Variants in ABCC4 observed in about 807,000 individuals in gnomAD.
ABCC4 encodes ATP binding cassette subfamily C member 4 (PEL blood group).
In ABCC4, 102 loss-of-function variants were observed where a neutral mutation model predicts 168.5. The ratio of observed to expected loss-of-function variants is 0.61; its 90% CI spans 0.52 to 0.71. The LOEUF (loss-of-function observed/expected upper bound fraction) is 0.71, where lower values mean the gene tolerates loss of function less well. Ranked by LOEUF, ABCC4 falls within the 30% of genes least tolerant of loss-of-function variation. ABCC4 has a pLI of 0.00. For synonymous variants in ABCC4, 617 were observed against 590.7 expected (o/e 1.04, Z -0.65); for missense variants, 1,402 against 1,605.8 (o/e 0.87, Z 2.17).
intron 25 of ABCC4, among the ~76,000 whole-genome samples, chr13:95,070,053 G>A (rs999704513): frequency 1.3e-5 from 2 of 152,114 alleles, no homozygotes; most frequent in Non-Finnish European, 2.9e-5. Context: ...GACCAGCCAT[G>A]GCCAACATGG....
intron 30 of ABCC4, among the ~76,000 whole-genome samples, chr13:95,033,693 G>A (rs945173298): frequency 1.4e-5 from 2 of 140,928 alleles, no homozygotes; most frequent in African/African-American, 5.3e-5. Flanking sequence ...ACGGAGTTTC[G>A]CTCTTACTGC....
At chr13:95,258,758 C>T (rs147726394) in intron 1 of ABCC4, among the ~76,000 whole-genome samples, 1 of 152,014 alleles carries the variant, frequency 6.6e-6, no homozygotes, top group Admixed American at 6.6e-5. Flanking sequence ...CCTCTTTAAG[C>T]GCCTGCAGGA....
intron 19 of ABCC4, among the ~76,000 whole-genome samples, chr13:95,142,616 C>A (rs553805848): frequency 6.6e-6 from 1 of 151,736 alleles, no homozygotes; most frequent in Non-Finnish European, 1.5e-5. Context: ...AACAAAAGAT[C>A]ATGAGTAAAC....
intron 3 of ABCC4, among the ~76,000 whole-genome samples, chr13:95,241,963 C>G (rs2039957178): frequency 6.6e-6 from 1 of 152,084 alleles, no homozygotes; most frequent in African/African-American, 2.4e-5. Flanking sequence ...ATTATTGGAA[C>G]ACTAAGCTTG....
At chr13:95,047,564 C>T (rs1226217280) in intron 27 of ABCC4, among the ~76,000 whole-genome samples, 1 of 140,646 alleles carries the variant, frequency 7.1e-6, no homozygotes, top group East Asian at 2.2e-4. Flanking sequence ...ACTGCAATCT[C>T]TGCCTCCCAG....
intron 20 of ABCC4, among the ~76,000 whole-genome samples, chr13:95,108,805 C>T (rs2035100128): frequency 6.6e-6 from 1 of 152,048 alleles, no homozygotes; most frequent in African/African-American, 2.4e-5. Context: ...CATCTCTCTG[C>T]CTGAGGAAAT....
In ABCC4 at chr13:95,161,231, T is replaced by C. The variant is rs2037088928; in HGVS notation, c.2413A>G (p.Ile805Val). 2 of 1,610,740 alleles carry C rather than the reference T, an allele frequency of 1.2e-6. No individual in the cohort carries two copies. Among genetic ancestry groups the C allele is most frequent in the Non-Finnish European group, 1.7e-6 (2 of 1,179,434 alleles). The change falls in exon 19 of 31, where the codon ATT (isoleucine) becomes GTT (valine). Residue 805 changes from isoleucine to valine, a missense_variant. By Grantham distance (29) the Ile-to-Val change is conservative (BLOSUM62 3). Around this residue, in one of 3 missense-constraint regions of ABCC4, gnomAD observed 1,007 missense variants for 1,127.3 expected, o/e 0.89. Transcript: ENST00000645237. ...AAGAATAATACCGGAGCTTTCAGAA[T>C]TGACTCAAACATTTTGTTGTGCAAA... is the stretch of plus-strand genomic sequence containing the variant. ...QTLHNKMFESILKAPVLFFDR... is the reference protein window; with the variant it reads ...QTLHNKMFESVLKAPVLFFDR...
At chr13:95,206,932 G>A (rs1171031540) in intron 7 of ABCC4, 151 bp from the exon 8 acceptor site, 7 of 844,464 alleles carry the variant, frequency 8.3e-6, no homozygotes, top group Non-Finnish European at 1.3e-5. Flanking sequence ...ACAAAAAAGT[G>A]CAAAGGTGAG....
At chr13:95,119,504 AC>A (rs778690565) in intron 19 of ABCC4, among the ~76,000 whole-genome samples, 2 of 152,168 alleles carry the variant, frequency 1.3e-5, no homozygotes, top group Non-Finnish European at 2.9e-5. Flanking sequence ...GTTGCTCCTA[AC>A]TTTTTTCCAC....
chr13:95,275,542 A>C (rs2040950993), intron 1 of ABCC4, among the ~76,000 whole-genome samples: 1 of 152,244 alleles, frequency 6.6e-6, no homozygotes, highest in East Asian at 1.9e-4. Context: ...TTCTACACCA[A>C]ATCAGGCCTA....
rs529755689 is a variant in ABCC4, at chr13:95,074,740, A to C, written c.2807-416T>G. On this transcript the variant is annotated intron_variant, in intron 22 of 30. Transcript: ENST00000645237. ...ACCTTCCATACTTACCAGAAGGCCC[A>C]CACACACTGACTATTGCTTAGGGGC... Among the ~76,000 whole-genome samples, 7 of 152,284 alleles carry C rather than the reference A, an allele frequency of 4.6e-5. No individual in the cohort carries two copies. In the South Asian group the frequency reaches 1.2e-3, roughly 27 times the overall value.
intron 29 of ABCC4, among the ~76,000 whole-genome samples, chr13:95,039,496 C>T (rs1364548772): frequency 1.3e-5 from 2 of 152,166 alleles, no homozygotes; most frequent in Admixed American, 1.3e-4. Context: ...CCTGCTTGGT[C>T]CTCACCTTTC....
intron 20 of ABCC4, among the ~76,000 whole-genome samples, chr13:95,087,572 A>G (rs2034299210): frequency 6.6e-6 from 1 of 152,236 alleles, no homozygotes; most frequent in African/African-American, 2.4e-5. Flanking sequence ...TTCTGGAGCC[A>G]CTAAAATTAT....
At chr13:95,134,633 T>C (rs2036081161) in intron 19 of ABCC4, among the ~76,000 whole-genome samples, 2 of 151,980 alleles carry the variant, frequency 1.3e-5, no homozygotes, top group South Asian at 4.2e-4. Flanking sequence ...GGCAGGAGAA[T>C]CACTTGAACC....
Position 95,201,502 on chromosome 13 carries a change from C to A in ABCC4, c.1161+5030G>T, listed in dbSNP as rs1751026. ...CTGGAGGTTGACTTCACTTACACAT[C>A]TTCTGAGCACCTGCAATCTATACGT... On this transcript the variant is annotated intron_variant, in intron 8 of 30. Coordinates refer to ENST00000645237, the MANE Select transcript of ABCC4 (RefSeq NM_005845.5). Among the ~76,000 whole-genome samples the A allele has an allele frequency of 5.9e-5, 9 of 152,224 alleles. No homozygotes were observed. The East Asian group carries it at 1.7e-3, about 29-fold the overall frequency.
At chr13:95,196,250 CT>C (rs1438543882) in intron 8 of ABCC4, among the ~76,000 whole-genome samples, 1 of 152,152 alleles carries the variant, frequency 6.6e-6, no homozygotes, top group African/African-American at 2.4e-5. Context: ...AAAACCTGCT[CT>C]AATTTTCTGT....
At chr13:95,134,685 A>T (rs1465704706) in intron 19 of ABCC4, among the ~76,000 whole-genome samples, 2 of 152,064 alleles carry the variant, frequency 1.3e-5, no homozygotes, top group African/African-American at 4.8e-5. Context: ...ACACCACTGC[A>T]CTCCAGCCTG....
At chr13:95,214,161 T>A (rs1374963698) in intron 4 of ABCC4, among the ~76,000 whole-genome samples, 3 of 152,114 alleles carry the variant, frequency 2.0e-5, no homozygotes, top group South Asian at 4.2e-4. Context: ...AAATTAGATA[T>A]CATTAATAGC....
At chr13:95,222,031 T>A (rs1164896181) in intron 4 of ABCC4, among the ~76,000 whole-genome samples, 1 of 152,248 alleles carries the variant, frequency 6.6e-6, no homozygotes, top group East Asian at 1.9e-4. Flanking sequence ...AGGTCTGAGA[T>A]GGCCCCAGGA....
Sources: gnomAD v4.1 joint callset for allele counts (sites outside exome capture counted in the v4.1 genomes callset) on GRCh38, gnomAD v4.1.1 for gene constraint, gnomAD v4.1.1 regional missense constraint, MANE v1.5 for transcripts, NCBI Gene and HGNC (gene_info 2026-07-23, HGNC 2026-07-21) for gene names.